The following ANP32A variants were observed in gnomAD, a reference collection of about 807,000 sequenced individuals.
ANP32A encodes the protein acidic nuclear phosphoprotein 32 family member A, also known as acidic leucine-rich nuclear phosphoprotein 32 family member A.
ANP32A carries 1 observed loss-of-function variant against 33.9 expected under a neutral mutation model. That is an observed-to-expected ratio of 0.03 (90% CI 0.01 to 0.14). The LOEUF (loss-of-function observed/expected upper bound fraction) is 0.14. ANP32A is among the 10% of genes least tolerant of loss of function. The pLI is 1.00. For missense variants in ANP32A, 155 were observed against 306.0 expected, an observed-to-expected ratio of 0.51 and a Z score of 3.68; for synonymous variants, 115 against 120.5, an observed-to-expected ratio of 0.95 and a Z score of 0.30.
chr15:68,791,010 A>G (rs576713853), intron 1 of ANP32A: 1 of 152,268 alleles, frequency 6.6e-6, no homozygotes, highest in Non-Finnish European at 1.5e-5. Flanking sequence ...GGCGGGTCAC[A>G]GAAACTAGAA....
At chr15:68,818,687 G>T (rs1312102867) in intron 1 of ANP32A, among the ~76,000 whole-genome samples, 3 of 152,084 alleles carry the variant, frequency 2.0e-5, no homozygotes, top group Admixed American at 6.5e-5. Flanking sequence ...CTCCCGGGGG[G>T]CCGGCAGCGT....
chr15:68,792,285 G>A (rs1006700329), intron 1 of ANP32A: 1 of 152,136 alleles, frequency 6.6e-6, no homozygotes, highest in Non-Finnish European at 1.5e-5. Context: ...CTACCTAGTG[G>A]AACTGAAATT....
At position 68,780,191 on chromosome 15, in the gene ANP32A, T is replaced by C; in HGVS notation, c.689-49A>G. The stretch of plus-strand genomic sequence containing the variant: ...TTAGATTAGTTATTAATCCCACCTC[T>C]TTAACTCAACCCACCCAGTGAGAAG... On this transcript the variant is annotated intron_variant, in intron 6 of 6. Transcript: ENST00000465139. The surrounding 1 kb of genome is among the most constrained non-coding windows in gnomAD (Gnocchi z 4.3). The C allele has an allele frequency of 1.2e-6, 2 of 1,608,596 alleles. No homozygotes were observed. The highest frequency in any genetic ancestry group is 1.7e-6 in the Non-Finnish European group (2 of 1,176,652).
chr15:68,784,992 T>C (rs1404344815), intron 3 of ANP32A, among the ~76,000 whole-genome samples: 1 of 152,238 alleles, frequency 6.6e-6, no homozygotes, highest in Non-Finnish European at 1.5e-5. Flanking sequence ...AAAGTCAACT[T>C]GAACTAACAA....
chr15:68,793,662 T>C (rs762975257), intron 1 of ANP32A, among the ~76,000 whole-genome samples: 42 of 152,102 alleles, frequency 2.8e-4, no homozygotes, highest in Non-Finnish European at 5.4e-4. Context: ...AGAACAGGCA[T>C]GCTAAAGGCA....
In ANP32A at chr15:68,779,898, C is replaced by T. The variant is rs1042963405; in HGVS notation, c.*183G>A. The stretch of plus-strand genomic sequence containing the variant: ...TGGCAGTAAAAATAGTATTTTATTC[C>T]ACCCCCACCCGCCATCCCTCCCCCC... On this transcript the variant is annotated 3_prime_UTR_variant, in exon 7 of 7. Coordinates refer to ENST00000465139, the MANE Select transcript of ANP32A (RefSeq NM_006305.4). 1.8e-6 allele frequency: 1 copy of T among 552,490 alleles called. No homozygotes were observed. Among genetic ancestry groups the T allele is most frequent in the Non-Finnish European group, 3.2e-6 (1 of 313,292 alleles). 34.2% of individuals were successfully genotyped at this position (552,490 alleles called of 1,614,324 possible). A position where few individuals can be genotyped will look rare whatever the true frequency, so the allele number is the denominator to read the frequency against.
intron 1 of ANP32A, among the ~76,000 whole-genome samples, chr15:68,818,600 G>A (rs1894423411): frequency 6.6e-6 from 1 of 150,974 alleles, no homozygotes; most frequent in Non-Finnish European, 1.5e-5. Context: ...CCAGTACGGC[G>A]CGGTGCGCTC....
At chr15:68,801,064 C>A (rs1894128287) in intron 1 of ANP32A, among the ~76,000 whole-genome samples, 2 of 152,084 alleles carry the variant, frequency 1.3e-5, no homozygotes, top group Non-Finnish European at 2.9e-5. Context: ...ACACCTTTAC[C>A]CACAGGGGAC....
intron 1 of ANP32A, chr15:68,818,211 GGGGCGGGGCGTGCGGCGCGAGCCCC>G (rs1319960120): frequency 4.6e-6 from 1 of 219,770 alleles, no homozygotes; most frequent in Non-Finnish European, 9.7e-6. Context: ...CCGGGGAGGA[GGGGCGGGGCGTGCGGCGCGAGCCCC>G]GGGAAACATG....
intron 3 of ANP32A, among the ~76,000 whole-genome samples, chr15:68,786,207 T>C (rs1467630751): frequency 6.6e-6 from 1 of 150,444 alleles, no homozygotes; most frequent in Admixed American, 6.6e-5. Flanking sequence ...ATTGTCCTCC[T>C]GGCCTTTCCC....
intron 1 of ANP32A, among the ~76,000 whole-genome samples, chr15:68,802,938 G>C (rs573154786): frequency 2.0e-5 from 3 of 152,142 alleles, no homozygotes; most frequent in African/African-American, 7.2e-5. Context: ...ACAGACGTGA[G>C]CCATTGTGCC....
chr15:68,779,923 CGCAA>C lies in ANP32A; in HGVS notation c.*154_*157del. 1 of 510,134 alleles carries C rather than the reference CGCAA, an allele frequency of 2.0e-6. No individual in the cohort carries two copies. The highest frequency in any genetic ancestry group is 3.4e-6 in the Non-Finnish European group (1 of 296,578). The allele number at this position is 510,134 out of a possible 1,614,324, so 31.6% of individuals were successfully genotyped here. A position where few individuals can be genotyped will look rare whatever the true frequency, so the allele number is the denominator to read the frequency against. ...CACCCCCACCCGCCATCCCTCCCCC[CGCAA>C]CCCCCAGTACACTCTTCCCCTCTCG... On this transcript the variant is annotated 3_prime_UTR_variant, in exon 7 of 7. Transcript: ENST00000465139.
intron 1 of ANP32A, chr15:68,790,838 T>C (rs2140362381): frequency 6.6e-6 from 1 of 152,240 alleles, no homozygotes; most frequent in Admixed American, 6.5e-5. Flanking sequence ...GTGCTGGGGC[T>C]CAGAACACAA....
At chr15:68,803,306 A>G (rs1277000706) in intron 1 of ANP32A, among the ~76,000 whole-genome samples, 1 of 152,188 alleles carries the variant, frequency 6.6e-6, no homozygotes, top group East Asian at 1.9e-4. Context: ...CAGATACTCA[A>G]TAAGGGGTAA....
chr15:68,814,354 G>C (rs1894352106), intron 1 of ANP32A, among the ~76,000 whole-genome samples: 1 of 151,848 alleles, frequency 6.6e-6, no homozygotes, highest in African/African-American at 2.4e-5. Context: ...GAGTCCAGGA[G>C]TTTGAGACCA....
At chr15:68,786,610 G>A (rs1210401943) in intron 3 of ANP32A, among the ~76,000 whole-genome samples, 1 of 152,140 alleles carries the variant, frequency 6.6e-6, no homozygotes, top group Non-Finnish European at 1.5e-5. Flanking sequence ...TTTACTTCAT[G>A]TGGTAGTATT....
At chr15:68,816,812 T>C (rs1438700303) in intron 1 of ANP32A, among the ~76,000 whole-genome samples, 2 of 152,214 alleles carry the variant, frequency 1.3e-5, no homozygotes, top group African/African-American at 4.8e-5. Flanking sequence ...ATCTTCATCA[T>C]GGAGCCCCTC....
chr15:68,797,286 G>A (rs1184454845), intron 1 of ANP32A, among the ~76,000 whole-genome samples: 1 of 151,950 alleles, frequency 6.6e-6, no homozygotes, highest in Non-Finnish European at 1.5e-5. Flanking sequence ...GAGGAGAGGA[G>A]AGACCAGGAT....
At chr15:68,819,122 C>T (rs1894434721) in intron 1 of ANP32A, among the ~76,000 whole-genome samples, 1 of 152,214 alleles carries the variant, frequency 6.6e-6, no homozygotes, top group Non-Finnish European at 1.5e-5. Context: ...GAAGCGAGGC[C>T]TGCCTTCGCC....
Sources: allele counts gnomAD v4.1 joint callset (sites outside exome capture counted in the v4.1 genomes callset), GRCh38; gene constraint gnomAD v4.1.1; non-coding constraint Gnocchi (gnomAD v3.1); transcripts MANE v1.5; gene names NCBI Gene and HGNC (gene_info 2026-07-23, HGNC 2026-07-21).